Variants in SELENON observed in about 807,000 individuals in gnomAD.
SELENON encodes selenoprotein N.
A neutral mutation model predicts 59.5 loss-of-function variants in SELENON; 44 were observed. That is an observed-to-expected ratio of 0.74 (90% CI 0.58 to 0.95). The LOEUF (loss-of-function observed/expected upper bound fraction) is 0.95. Ranked by LOEUF, SELENON falls within the 40% of genes least tolerant of loss-of-function variation. SELENON has a pLI of 0.00. For synonymous variants in SELENON, 320 were observed against 305.6 expected (o/e 1.05, Z -0.49); for missense variants, 674 against 721.4 (o/e 0.93, Z 0.75).
intron 4 of SELENON, among the ~76,000 whole-genome samples, chr1:25,806,671 C>T (rs914791996): frequency 5.9e-5 from 9 of 152,162 alleles, no homozygotes; most frequent in Admixed American, 3.3e-4. Context: ...TGGATGTCTG[C>T]TGCCCAGCAG....
At chr1:25,810,349 A>G (rs974631057) in intron 7 of SELENON, among the ~76,000 whole-genome samples, 1 of 152,252 alleles carries the variant, frequency 6.6e-6, no homozygotes, top group African/African-American at 2.4e-5. Context: ...GTGCTACACC[A>G]GCCACCTGCT....
At chr1:25,808,975 C>G (rs2047934605) in intron 5 of SELENON, 51 bp from the exon 5 acceptor site, 1 of 1,612,612 alleles carries the variant, frequency 6.2e-7, no homozygotes, top group Non-Finnish European at 8.5e-7. Context: ...CCCAGCGGAT[C>G]CAGGCCCAGC....
In SELENON at chr1:25,810,651, G is replaced by A. The variant is rs144323754; in HGVS notation, c.1011-803G>A. Among the ~76,000 whole-genome samples, 163 of 152,364 alleles carry A rather than the reference G, an allele frequency of 1.1e-3. 1 individual carries two copies. Among genetic ancestry groups the A allele is most frequent in the African/African-American group, 3.7e-3 (152 of 41,590 alleles). Reference sequence around the variant, plus strand: ...GGCCTACTTCACCCACAGGGCAGGCGTGAGAGGATGGTCGGGATAACATGG... The same window carrying A: ...GGCCTACTTCACCCACAGGGCAGGCATGAGAGGATGGTCGGGATAACATGG... On this transcript the variant is annotated intron_variant, in intron 7 of 12. Coordinates refer to ENST00000361547, the MANE Select transcript of SELENON (RefSeq NM_020451.3).
Position 25,811,528 on chromosome 1 carries a change from T to C in SELENON, c.1085T>C (p.Ile362Thr). 6.2e-7 allele frequency: 1 copy of C among 1,614,104 alleles called. No individual in the cohort carries two copies. Among genetic ancestry groups the C allele is most frequent in the Non-Finnish European group, 8.5e-7 (1 of 1,179,988 alleles). The change falls in exon 8 of 13, where the codon ATA becomes ACA. Residue 362 changes from isoleucine to threonine, a missense_variant. Coordinates refer to ENST00000361547, the MANE Select transcript of SELENON (RefSeq NM_020451.3). ...AACATGGAGGTGGACATCGGCTACATACCCCAGGTGAGCGCACAGGAGGCT... is the reference window on the plus strand; with the variant it reads ...AACATGGAGGTGGACATCGGCTACACACCCCAGGTGAGCGCACAGGAGGCT...
chr1:25,811,438 G>A lies in SELENON; in HGVS notation c.1011-16G>A. 6.2e-7 allele frequency: 1 copy of A among 1,611,072 alleles called. No homozygotes were observed. Among genetic ancestry groups the A allele is most frequent in the Non-Finnish European group, 8.5e-7 (1 of 1,177,666 alleles). On this transcript the variant is annotated splice_polypyrimidine_tract_variant and intron_variant, in intron 7 of 12. Coordinates refer to ENST00000361547, the MANE Select transcript of SELENON (RefSeq NM_020451.3). ...TGGGCTTTGATGATGGTGTCACTCT[G>A]CCCTGGCCATCCCAGGTCTCTGAAT...
At chr1:25,813,063 C>G (rs1477912243) in intron 10 of SELENON, among the ~76,000 whole-genome samples, 1 of 152,172 alleles carries the variant, frequency 6.6e-6, no homozygotes, top group Non-Finnish European at 1.5e-5. Flanking sequence ...CTCTGTGAGC[C>G]TCAGTTTTCT....
chr1:25,804,674 AAGC>A (rs1169567068), intron 3 of SELENON, among the ~76,000 whole-genome samples: 9 of 134,760 alleles, frequency 6.7e-5, no homozygotes, highest in African/African-American at 1.4e-4. Context: ...AAAAAAAAAA[AAGC>A]AGGGGAAAGT....
Position 25,807,093 on chromosome 1 carries a change from G to A in SELENON, c.538-1487G>A, listed in dbSNP as rs1302072039. Among the ~76,000 whole-genome samples the A allele has an allele frequency of 4.0e-5, 6 of 151,826 alleles. No homozygotes were observed. The highest frequency in any genetic ancestry group is 8.8e-5 in the Non-Finnish European group (6 of 67,950). On this transcript the variant is annotated intron_variant, in intron 4 of 12. Coordinates refer to ENST00000361547, the MANE Select transcript of SELENON (RefSeq NM_020451.3). This position sits in a 1 kb window ranked among gnomAD's most constrained non-coding sequence, Gnocchi z 4.5. ...TGCCTCGGCCTCCCGAATTATAGGC[G>A]TACAGGGATTATAGGGATTACAGGT...
rs114266171 is a variant in SELENON, at chr1:25,814,289, C to A, written c.1602+111C>A. On this transcript the variant is annotated intron_variant, in intron 12 of 12. Transcript: ENST00000361547. ...CATCAGGCTTCGGGACTGTCCCTGC[C>A]ACTTCCTGGCTGCAAAGCCTCAAGC... 1,371 of 802,340 alleles carry A rather than the reference C, an allele frequency of 1.7e-3. 15 individuals carry two copies. The African/African-American group carries it at 0.019, about 11-fold the overall frequency. 49.7% of individuals were successfully genotyped at this position (802,340 alleles called of 1,614,324 possible). A position where few individuals can be genotyped will look rare whatever the true frequency, so the allele number is the denominator to read the frequency against.
intron 4 of SELENON, 74 bp from the exon 4 acceptor site, chr1:25,808,506 C>T: frequency 6.4e-7 from 1 of 1,568,966 alleles, no homozygotes; most frequent in Non-Finnish European, 8.8e-7. Flanking sequence ...TGAGGGAGAC[C>T]TCCACCCACA....
chr1:25,809,250 C>A (rs2280997), intron 6 of SELENON, 100 bp downstream of exon 5: 7 of 1,550,018 alleles, frequency 4.5e-6, no homozygotes, highest in South Asian at 2.3e-5. Context: ...TCCACCTCTC[C>A]TCCCACTGCC....
intron 9 of SELENON, 129 bp from the exon 9 acceptor site, chr1:25,812,558 C>T (rs1326047804): frequency 4.7e-5 from 28 of 589,630 alleles, no homozygotes; most frequent in Middle Eastern, 4.3e-4. Context: ...TATATGCCTA[C>T]ACACAAACAC....
Position 25,800,211 on chromosome 1 carries a change from A to T in SELENON, c.-20A>T, listed in dbSNP as rs1273460326. 5 of 486,968 alleles carry T rather than the reference A, an allele frequency of 1.0e-5. No homozygotes were observed. The highest frequency in any genetic ancestry group is 1.3e-5 in the Non-Finnish European group (5 of 379,062). The allele number at this position is 486,968 out of a possible 1,614,324, so 30.2% of individuals were successfully genotyped here. On this transcript the variant is annotated 5_prime_UTR_variant, in exon 1 of 13. Coordinates refer to ENST00000361547, the MANE Select transcript of SELENON (RefSeq NM_020451.3). ...CTCTTTCGCTTCCCGGGCCGCCGGC[A>T]GCCGCCGCCAGCCGCAGCCATGGGC...
rs757869237 is a variant in SELENON, at chr1:25,807,825, C to G, written c.538-755C>G. ...AATGCTGGCCGACGTGTAGACAGCT[C>G]TGTGGTCTCTGAGCGTCCTCTCCGA... On this transcript the variant is annotated intron_variant, in intron 4 of 12. Coordinates refer to ENST00000361547, the MANE Select transcript of SELENON (RefSeq NM_020451.3). This position sits in a 1 kb window ranked among gnomAD's most constrained non-coding sequence, Gnocchi z 4.5. Among the ~76,000 whole-genome samples the G allele has an allele frequency of 1.2e-4, 19 of 152,148 alleles. No individual in the cohort carries two copies. Among genetic ancestry groups the G allele is most frequent in the Non-Finnish European group, 2.6e-4 (18 of 68,022 alleles).
chr1:25,813,273 A>T (rs952856614), intron 10 of SELENON, among the ~76,000 whole-genome samples: 4 of 152,148 alleles, frequency 2.6e-5, no homozygotes, highest in African/African-American at 9.7e-5. Context: ...GGGCACAAAG[A>T]TGAACAAAAC....
At chr1:25,812,006 G>T in intron 9 of SELENON, 127 bp downstream of exon 8, 1 of 1,059,210 alleles carries the variant, frequency 9.4e-7, no homozygotes, top group Non-Finnish European at 1.4e-6. Flanking sequence ...TCTCACTGTT[G>T]GGCCCAGCTG....
At chr1:25,812,147 T>C (rs1311919561) in intron 9 of SELENON, among the ~76,000 whole-genome samples, 2 of 152,138 alleles carry the variant, frequency 1.3e-5, no homozygotes, top group East Asian at 3.9e-4. Flanking sequence ...TCAAGAGCAA[T>C]CTGGGCAACA....
At chr1:25,802,261 A>G (rs2047867234) in intron 3 of SELENON, 1 of 162,000 alleles carries the variant, frequency 6.2e-6, no homozygotes, top group Admixed American at 6.5e-5. Context: ...AAGTGCTGGA[A>G]TTACAGGTGT....
intron 9 of SELENON, among the ~76,000 whole-genome samples, 188 bp downstream of exon 8, chr1:25,812,067 G>A (rs897050421): frequency 1.3e-5 from 2 of 152,218 alleles, no homozygotes; most frequent in Non-Finnish European, 2.9e-5. Context: ...AAGAGGCCAG[G>A]TGCAATGGCT....
Sources: gnomAD v4.1 joint callset for allele counts (sites outside exome capture counted in the v4.1 genomes callset) on GRCh38, gnomAD v4.1.1 for gene constraint, Gnocchi (gnomAD v3.1) non-coding constraint, MANE v1.5 for transcripts, NCBI Gene and HGNC (gene_info 2026-07-23, HGNC 2026-07-21) for gene names.